CAMK1D: variants seen among roughly 807,000 people sequenced by gnomAD.
CAMK1D encodes calcium/calmodulin dependent protein kinase ID.
CAMK1D carries 9 observed loss-of-function variants against 47.7 expected under a neutral mutation model. That is an observed-to-expected ratio of 0.19 (90% CI 0.11 to 0.33). The LOEUF (loss-of-function observed/expected upper bound fraction) is 0.33. CAMK1D is among the 10% of genes least tolerant of loss of function. The probability of loss-of-function intolerance (pLI) is 1.00; values close to 1 mark genes in which losing one functional copy is unlikely to be tolerated. For missense variants in CAMK1D, 291 were observed against 488.7 expected, an observed-to-expected ratio of 0.60 and a Z score of 3.81; for synonymous variants, 184 against 184.9, an observed-to-expected ratio of 0.99 and a Z score of 0.04.
At chr10:12,591,327 C>T (rs778371529) in intron 2 of CAMK1D, among the ~76,000 whole-genome samples, 23 of 152,252 alleles carry the variant, frequency 1.5e-4, no homozygotes, top group African/African-American at 5.1e-4. Flanking sequence ...TAATTTTTGT[C>T]GTGACTTCCA....
chr10:12,503,396 G>C lies in CAMK1D; in HGVS notation c.93-49829G>C, dbSNP rs908019664. Among the ~76,000 whole-genome samples, 3 of 137,708 alleles carry C rather than the reference G, an allele frequency of 2.2e-5. No homozygotes were observed. The South Asian group carries it at 7.3e-4, about 33-fold the overall frequency. The allele number at this position is 137,708 out of a possible 152,430, so 90.3% of individuals were successfully genotyped here. On this transcript the variant is annotated intron_variant, in intron 1 of 10. Transcript: ENST00000619168. Reference sequence around the variant, plus strand: ...TACCAGGTTTACAGTTGAGAAGCAGGTCCCCTCTTGGCGTGTGTCACAGCT... The same window carrying C: ...TACCAGGTTTACAGTTGAGAAGCAGCTCCCCTCTTGGCGTGTGTCACAGCT...
At chr10:12,495,180 T>C (rs1834499664) in intron 1 of CAMK1D, among the ~76,000 whole-genome samples, 1 of 152,214 alleles carries the variant, frequency 6.6e-6, no homozygotes, top group Admixed American at 6.5e-5. Flanking sequence ...CTTGTCATTG[T>C]TGTGAATTTC....
At position 12,538,152 on chromosome 10, in the gene CAMK1D, A is replaced by G. The variant is rs185825204; in HGVS notation, c.93-15073A>G. Among the ~76,000 whole-genome samples the G allele has an allele frequency of 3.9e-5, 6 of 152,362 alleles. No homozygotes were observed. The East Asian group carries it at 1.2e-3, about 29-fold the overall frequency. ...CGTCAGCCACTAGCTGGGAACATAC[A>G]GGGAAAATAGACCCGCTTAGTTTAG... On this transcript the variant is annotated intron_variant, in intron 1 of 10. Transcript: ENST00000619168.
intron 2 of CAMK1D, among the ~76,000 whole-genome samples, chr10:12,617,372 C>T (rs1838856160): frequency 6.6e-6 from 1 of 152,134 alleles, no homozygotes; most frequent in African/African-American, 2.4e-5. Context: ...CAGAAATTCC[C>T]CGTGTTAACT....
rs532583858 is a variant in CAMK1D, at chr10:12,443,016, T to C, written c.92+93106T>C. On this transcript the variant is annotated intron_variant, in intron 1 of 10. Transcript: ENST00000619168. ...CTTCTCTCACTATTTCTTTGCTTTC[T>C]AACGTTTCCCATCAATTTTGAGCCA... is the stretch of plus-strand genomic sequence containing the variant. 4.6e-5 allele frequency among the ~76,000 whole-genome samples: 7 copies of C among 152,350 alleles called. No individual in the cohort carries two copies. In the East Asian group the frequency reaches 1.3e-3, roughly 29 times the overall value.
At chr10:12,565,321 C>T (rs1156693913) in intron 2 of CAMK1D, among the ~76,000 whole-genome samples, 1 of 152,184 alleles carries the variant, frequency 6.6e-6, no homozygotes, top group East Asian at 1.9e-4. Flanking sequence ...CACGACTCGG[C>T]CCACTGCAAC....
At position 12,673,181 on chromosome 10, in the gene CAMK1D, G is replaced by A. The variant is rs539930768; in HGVS notation, c.299+6371G>A. Among the ~76,000 whole-genome samples the A allele has an allele frequency of 2.0e-5, 3 of 152,060 alleles. No homozygotes were observed. The East Asian group carries it at 5.8e-4, about 29-fold the overall frequency. On this transcript the variant is annotated intron_variant, in intron 3 of 10. Transcript: ENST00000619168. ...ATTATAGGTGTGAGCCACCGTGCCC[G>A]GCTGCCTTTTTTAATGCTTGTGGGA...
intron 1 of CAMK1D, among the ~76,000 whole-genome samples, chr10:12,360,976 T>G (rs2131840435): frequency 6.6e-6 from 1 of 152,284 alleles, no homozygotes; most frequent in Non-Finnish European, 1.5e-5. Context: ...AAAATTCCAC[T>G]TCTGTAAGAA....
chr10:12,594,238 G>A (rs1838080146), intron 2 of CAMK1D, among the ~76,000 whole-genome samples: 1 of 152,148 alleles, frequency 6.6e-6, no homozygotes, highest in Non-Finnish European at 1.5e-5. Context: ...GAGGAACAGT[G>A]GACATGTCAA....
chr10:12,473,134 G>C (rs1833798970), intron 1 of CAMK1D, among the ~76,000 whole-genome samples: 1 of 152,194 alleles, frequency 6.6e-6, no homozygotes, highest in Non-Finnish European at 1.5e-5. Flanking sequence ...AGCAATGGTG[G>C]ATGCAGAAGC....
chr10:12,767,237 G>A (rs1036520872), intron 4 of CAMK1D, among the ~76,000 whole-genome samples: 1 of 152,124 alleles, frequency 6.6e-6, no homozygotes, highest in African/African-American at 2.4e-5. Context: ...GAGTGCAGTG[G>A]CGCACTATCG....
intron 6 of CAMK1D, among the ~76,000 whole-genome samples, chr10:12,794,806 A>G (rs1298982996): frequency 1.3e-5 from 2 of 152,138 alleles, no homozygotes; most frequent in African/African-American, 2.4e-5. Context: ...TCAGACTCCT[A>G]TGGGTGATAG....
At chr10:12,385,739 C>CTTTTTTTTTTTTTTTTTTTTTTTTTT (rs71384318) in intron 1 of CAMK1D, among the ~76,000 whole-genome samples, 1 of 100,546 alleles carries the variant, frequency 9.9e-6, no homozygotes. Context: ...TTGAATTGTA[C>CTTTTTTTTTTTTTTTTTTTTTTTTTT]TTTTTTTTTT....
At chr10:12,394,977 A>G (rs1420699626) in intron 1 of CAMK1D, among the ~76,000 whole-genome samples, 3 of 151,984 alleles carry the variant, frequency 2.0e-5, no homozygotes, top group Non-Finnish European at 4.4e-5. Context: ...CACCCATCTC[A>G]GCATGGTGTG....
chr10:12,493,447 C>T (rs1834448282), intron 1 of CAMK1D, among the ~76,000 whole-genome samples: 1 of 152,146 alleles, frequency 6.6e-6, no homozygotes, highest in Non-Finnish European at 1.5e-5. Flanking sequence ...CATCTTCTCA[C>T]AAGAAAATGC....
chr10:12,797,628 G>A (rs1838252138), intron 6 of CAMK1D, among the ~76,000 whole-genome samples: 1 of 152,120 alleles, frequency 6.6e-6, no homozygotes, highest in South Asian at 2.1e-4. Context: ...TCGATTGTTT[G>A]TTATGATTTC....
intron 2 of CAMK1D, among the ~76,000 whole-genome samples, chr10:12,630,373 CT>C (rs57333952): frequency 2.2e-3 from 209 of 93,618 alleles, no homozygotes; most frequent in Middle Eastern, 5.1e-3. Context: ...CTTTTTCTTT[CT>C]TTTTTTTTTT....
At position 12,704,111 on chromosome 10, in the gene CAMK1D, T is replaced by A. The variant is rs148615496; in HGVS notation, c.299+37301T>A. ...AGGGTAAGTTATTCAAAAGACCCAA[T>A]TAGTGGAGTTTATTAACTCTTACTG... On this transcript the variant is annotated intron_variant, in intron 3 of 10. Coordinates refer to ENST00000619168, the MANE Select transcript of CAMK1D (RefSeq NM_153498.4). Among the ~76,000 whole-genome samples, 830 of 152,300 alleles carry A rather than the reference T, an allele frequency of 5.4e-3. 5 individuals carry two copies. Among genetic ancestry groups the A allele is most frequent in the African/African-American group, 0.018 (757 of 41,558 alleles).
At chr10:12,350,590 G>T (rs1837325458) in intron 1 of CAMK1D, among the ~76,000 whole-genome samples, 1 of 152,234 alleles carries the variant, frequency 6.6e-6, no homozygotes, top group Non-Finnish European at 1.5e-5. Context: ...GGGCTGCATC[G>T]AGTCCCATGC....
Sources: gnomAD v4.1 joint callset for allele counts (sites outside exome capture counted in the v4.1 genomes callset) on GRCh38, gnomAD v4.1.1 for gene constraint, MANE v1.5 for transcripts, NCBI Gene and HGNC (gene_info 2026-07-23, HGNC 2026-07-21) for gene names.